Variants in STPG2 observed in about 807,000 individuals in gnomAD.
STPG2 encodes the protein sperm-tail PG-rich repeat-containing protein 2.
Under a neutral mutation model 54.2 loss-of-function variants are expected in STPG2, and 56 were observed. That is an observed-to-expected ratio of 1.03 (90% CI 0.83 to 1.29). The LOEUF is 1.29. Ranked by LOEUF, STPG2 falls within the 50% of genes most tolerant of loss-of-function variation. The pLI, the probability that STPG2 is intolerant of heterozygous loss-of-function variation, is 0.00. For missense variants in STPG2, 596 were observed against 544.9 expected, an observed-to-expected ratio of 1.09 and a Z score of -0.93; for synonymous variants, 200 against 181.8, an observed-to-expected ratio of 1.10 and a Z score of -0.81.
At chr4:97,714,334 C>T (rs1206608029) in intron 9 of STPG2, among the ~76,000 whole-genome samples, 1 of 152,110 alleles carries the variant, frequency 6.6e-6, no homozygotes, top group Non-Finnish European at 1.5e-5. Flanking sequence ...GACATCTAGG[C>T]TCTAGCCCAA....
At chr4:97,886,536 G>A (rs1730575395) in intron 8 of STPG2, among the ~76,000 whole-genome samples, 1 of 152,168 alleles carries the variant, frequency 6.6e-6, no homozygotes, top group African/African-American at 2.4e-5. Context: ...AATGAATGGA[G>A]ATATATCCAC....
At chr4:97,536,267 C>T (rs1386186812) in intron 4 of STPG2, among the ~76,000 whole-genome samples, 1 of 152,144 alleles carries the variant, frequency 6.6e-6, no homozygotes, top group African/African-American at 2.4e-5. Flanking sequence ...TGGGTCCCTA[C>T]CCAGACTTCA....
chr4:97,651,047 T>G (rs1722051813), intron 10 of STPG2, among the ~76,000 whole-genome samples: 1 of 151,894 alleles, frequency 6.6e-6, no homozygotes, highest in African/African-American at 2.4e-5. Flanking sequence ...TCAGTGAGTA[T>G]AGTAAAACAT....
At chr4:98,137,565 G>C (rs1044617450) in intron 1 of STPG2, among the ~76,000 whole-genome samples, 2 of 151,628 alleles carry the variant, frequency 1.3e-5, no homozygotes, top group Non-Finnish European at 3.0e-5. Context: ...AGGGTTTTAA[G>C]TTTAGGTTCA....
chr4:97,488,768 C>T (rs1730431831), intron 4 of STPG2, among the ~76,000 whole-genome samples: 2 of 151,778 alleles, frequency 1.3e-5, no homozygotes, highest in South Asian at 4.1e-4. Context: ...ACATCATTTC[C>T]ACTCACATTG....
chr4:97,529,460 C>T (rs1731363898), intron 4 of STPG2, among the ~76,000 whole-genome samples: 2 of 152,072 alleles, frequency 1.3e-5, no homozygotes, highest in African/African-American at 4.8e-5. Context: ...TGTTGTGTCT[C>T]TGCCAGATTT....
rs1162104979 is a variant in STPG2 at position 97,885,766 on chromosome 4, T to G, written c.1045-44834A>C. Among the ~76,000 whole-genome samples, 5 of 152,008 alleles carry G rather than the reference T, an allele frequency of 3.3e-5. No individual in the cohort carries two copies. In the Admixed American group the frequency reaches 3.3e-4, roughly 10 times the overall value. On this transcript the variant is annotated intron_variant, in intron 8 of 10. Coordinates refer to ENST00000295268, the MANE Select transcript of STPG2 (RefSeq NM_174952.3). ...TGTGGGAATTGTGTATCCATGGACG[T>G]TGGTATACGCAGGAGGCCCTGGAAC...
intron 5 of STPG2, among the ~76,000 whole-genome samples, chr4:98,067,955 A>G (rs28427190): frequency 0.4 from 60,156 of 151,880 alleles, 12,138 homozygotes; most frequent in Middle Eastern, 0.46. Flanking sequence ...AAGCAGGGTT[A>G]TTTTTTTTAC....
chr4:98,117,809 A>G (rs1358629609), intron 3 of STPG2, among the ~76,000 whole-genome samples: 2 of 151,972 alleles, frequency 1.3e-5, no homozygotes, highest in East Asian at 3.9e-4. Flanking sequence ...GATGCTCTCT[A>G]TTGGGTAAGG....
intron 5 of STPG2, 27 bp from the exon 6 acceptor site, chr4:97,981,345 A>G (rs373654829): frequency 3.1e-6 from 5 of 1,610,954 alleles, no homozygotes; most frequent in South Asian, 1.1e-5. Flanking sequence ...AAATATGCCA[A>G]TAAGAAAGTA....
chr4:97,912,477 C>T (rs1312050052), intron 8 of STPG2, among the ~76,000 whole-genome samples: 1 of 152,170 alleles, frequency 6.6e-6, no homozygotes, highest in East Asian at 1.9e-4. Flanking sequence ...GAAACATAAC[C>T]AACCTGATGG....
chr4:98,114,763 TTTTG>T (rs1375388322), intron 3 of STPG2, among the ~76,000 whole-genome samples: 25 of 145,200 alleles, frequency 1.7e-4, no homozygotes, highest in Admixed American at 1.1e-3. Flanking sequence ...ATTTTTTTTT[TTTTG>T]TGTGTGTGTG....
At chr4:97,907,457 G>T (rs1306437804) in intron 8 of STPG2, among the ~76,000 whole-genome samples, 4 of 151,982 alleles carry the variant, frequency 2.6e-5, no homozygotes, top group Non-Finnish European at 5.9e-5. Context: ...GTAATTTACA[G>T]ATTCAATGCC....
At chr4:98,142,963 A>T in intron 1 of STPG2, 79 bp downstream of exon 1, 1 of 1,233,568 alleles carries the variant, frequency 8.1e-7, no homozygotes, top group Non-Finnish European at 1.2e-6. Flanking sequence ...CTCTATGTTT[A>T]ACTCACAAGC....
At chr4:97,995,330 A>G (rs1735168885) in intron 5 of STPG2, among the ~76,000 whole-genome samples, 1 of 151,962 alleles carries the variant, frequency 6.6e-6, no homozygotes, top group African/African-American at 2.4e-5. Context: ...ACCTCCTTCA[A>G]TGTGTCTGTG....
intron 9 of STPG2, among the ~76,000 whole-genome samples, chr4:97,792,411 G>A (rs918469412): frequency 1.1e-4 from 16 of 152,002 alleles, no homozygotes; most frequent in Non-Finnish European, 1.5e-4. Context: ...CATATACTCC[G>A]TGCTTTACCT....
chr4:97,676,765 C>T (rs1324930800), intron 10 of STPG2, among the ~76,000 whole-genome samples: 2 of 152,154 alleles, frequency 1.3e-5, no homozygotes, highest in Non-Finnish European at 2.9e-5. Flanking sequence ...TCAATGGTTT[C>T]TGTGAATTCT....
chr4:97,965,968 G>T (rs1182228127), intron 7 of STPG2, among the ~76,000 whole-genome samples: 1 of 152,194 alleles, frequency 6.6e-6, no homozygotes, highest in African/African-American at 2.4e-5. Flanking sequence ...CTCCTCTAAA[G>T]GATTGCAGAT....
At chr4:97,716,905 T>G (rs1295455792) in intron 9 of STPG2, among the ~76,000 whole-genome samples, 15 of 152,138 alleles carry the variant, frequency 9.9e-5, no homozygotes, top group Non-Finnish European at 1.5e-5. Context: ...TAAAAATCAG[T>G]TAGGAAATTG....
Sources: gnomAD v4.1 joint callset for allele counts (sites outside exome capture counted in the v4.1 genomes callset) on GRCh38, gnomAD v4.1.1 for gene constraint, MANE v1.5 for transcripts, NCBI Gene and HGNC (gene_info 2026-07-23, HGNC 2026-07-21) for gene names.